Variants in GSK3B observed in about 807,000 individuals in gnomAD.
The protein encoded by GSK3B is glycogen synthase kinase 3 beta, also known as glycogen synthase kinase-3 beta.
Under a neutral mutation model 56.4 loss-of-function variants are expected in GSK3B, and 15 were observed. That is an observed-to-expected ratio of 0.27 (90% CI 0.18 to 0.41). GSK3B has a LOEUF of 0.41. GSK3B is among the 10% of genes least tolerant of loss of function. GSK3B has a pLI of 1.00. For missense variants in GSK3B, 300 were observed against 513.4 expected (o/e 0.58, Z 4.02); for synonymous variants, 181 against 188.9 (o/e 0.96, Z 0.34).
At chr3:119,842,876 T>G (rs993852304) in intron 10 of GSK3B, among the ~76,000 whole-genome samples, 1 of 152,360 alleles carries the variant, frequency 6.6e-6, no homozygotes, top group Middle Eastern at 3.4e-3. Flanking sequence ...ATGTTCATAC[T>G]CATCAAATGA....
At chr3:119,833,901 T>C (rs1205256187) in intron 10 of GSK3B, among the ~76,000 whole-genome samples, 1 of 152,018 alleles carries the variant, frequency 6.6e-6, no homozygotes, top group African/African-American at 2.4e-5. Flanking sequence ...TTTCGCCATG[T>C]TGGCCAGGCT....
chr3:119,974,764 T>C (rs6771023), intron 2 of GSK3B, among the ~76,000 whole-genome samples: 32,598 of 152,078 alleles, frequency 0.21, 3,770 homozygotes, highest in African/African-American at 0.3. Flanking sequence ...TGCAAATTAA[T>C]ACACTGGCAT....
At chr3:119,887,665 G>A (rs1288644432) in intron 7 of GSK3B, among the ~76,000 whole-genome samples, 1 of 152,062 alleles carries the variant, frequency 6.6e-6, no homozygotes, top group Non-Finnish European at 1.5e-5. Flanking sequence ...GGGGTGGGAA[G>A]TAGGGCAGAT....
chr3:120,006,233 A>T (rs2057726269), intron 1 of GSK3B, among the ~76,000 whole-genome samples: 1 of 152,224 alleles, frequency 6.6e-6, no homozygotes, highest in Admixed American at 6.5e-5. Context: ...AAATATATGC[A>T]CCCAATACAA....
intron 1 of GSK3B, among the ~76,000 whole-genome samples, chr3:120,032,022 A>T (rs1470447589): frequency 6.6e-6 from 1 of 152,220 alleles, no homozygotes; most frequent in African/African-American, 2.4e-5. Flanking sequence ...TGAACACCTG[A>T]AAGTGGCAAA....
At chr3:119,900,890 A>G (rs2056617936) in intron 7 of GSK3B, among the ~76,000 whole-genome samples, 1 of 152,142 alleles carries the variant, frequency 6.6e-6, no homozygotes, top group African/African-American at 2.4e-5. Context: ...AGTATTTTTC[A>G]TGATGTGCTA....
At chr3:120,026,883 T>C (rs1382380815) in intron 1 of GSK3B, among the ~76,000 whole-genome samples, 1 of 151,664 alleles carries the variant, frequency 6.6e-6, no homozygotes, top group Non-Finnish European at 1.5e-5. Context: ...ATATGAAATC[T>C]TGAAGTATAA....
At chr3:119,877,773 C>G (rs937342676) in intron 7 of GSK3B, among the ~76,000 whole-genome samples, 1 of 152,090 alleles carries the variant, frequency 6.6e-6, no homozygotes, top group Non-Finnish European at 1.5e-5. Context: ...ACTTCATTGT[C>G]TCTAGAGCTA....
chr3:119,936,935 C>T (rs2057001557), intron 3 of GSK3B, among the ~76,000 whole-genome samples: 1 of 151,990 alleles, frequency 6.6e-6, no homozygotes, highest in South Asian at 2.1e-4. Flanking sequence ...TAGCAGAGAA[C>T]ACATTATTTT....
intron 1 of GSK3B, among the ~76,000 whole-genome samples, chr3:120,016,542 A>G (rs542707723): frequency 6.6e-6 from 1 of 152,212 alleles, no homozygotes; most frequent in African/African-American, 2.4e-5. Context: ...TGTCATAAAT[A>G]TAAGAGATGG....
chr3:119,843,441 T>A, intron 9 of GSK3B, 88 bp from the exon 10 acceptor site: 1 of 685,716 alleles, frequency 1.5e-6, no homozygotes, highest in South Asian at 1.6e-5. Flanking sequence ...AATAAGATTC[T>A]GCATTAAACT....
At chr3:119,914,848 A>G (rs2056765783) in intron 5 of GSK3B, among the ~76,000 whole-genome samples, 1 of 152,124 alleles carries the variant, frequency 6.6e-6, no homozygotes, top group Admixed American at 6.6e-5. Flanking sequence ...GAATTGATGT[A>G]AAAGTATTAC....
chr3:119,858,774 T>C (rs1577319993), intron 9 of GSK3B, among the ~76,000 whole-genome samples: 1 of 152,070 alleles, frequency 6.6e-6, no homozygotes, highest in South Asian at 2.1e-4. Context: ...AAAGGGAGAG[T>C]ATGTGTGACT....
chr3:120,093,986 C>A lies in GSK3B; in HGVS notation c.-552G>T, dbSNP rs201364716. The A allele has an allele frequency of 4.6e-4, 97 of 212,884 alleles. 3 individuals carry two copies. Among genetic ancestry groups the A allele is most frequent in the Admixed American group, 3.0e-4 (5 of 16,900 alleles). The allele number at this position is 212,884 out of a possible 1,614,324, so 13.2% of individuals were successfully genotyped here. A position where few individuals can be genotyped will look rare whatever the true frequency, so the allele number is the denominator to read the frequency against. On this transcript the variant is annotated 5_prime_UTR_variant, in exon 1 of 11. Coordinates refer to ENST00000264235, the MANE Select transcript of GSK3B (RefSeq NM_001146156.2). ...CAAGCCGCGGGATCCGGCGGGCTGA[C>A]GGCAGGGGCCCGGCGAACTAGAGGG...
intron 2 of GSK3B, among the ~76,000 whole-genome samples, chr3:119,962,389 A>C (rs1028898110): frequency 1.3e-5 from 2 of 151,274 alleles, no homozygotes; most frequent in African/African-American, 4.9e-5. Context: ...AAAAAAAAAA[A>C]ACAAAAACAA....
chr3:119,904,942 T>C (rs763756186), intron 7 of GSK3B, among the ~76,000 whole-genome samples: 5 of 150,054 alleles, frequency 3.3e-5, no homozygotes, highest in Non-Finnish European at 7.4e-5. Context: ...TCTAGTGATA[T>C]AAATCTAGAC....
At chr3:120,037,457 T>C (rs538617618) in intron 1 of GSK3B, among the ~76,000 whole-genome samples, 5 of 152,326 alleles carry the variant, frequency 3.3e-5, no homozygotes, top group African/African-American at 1.2e-4. Flanking sequence ...AGAACTTGTA[T>C]TCTTATTGGA....
intron 1 of GSK3B, chr3:120,028,843 C>T (rs745390859): frequency 5.6e-5 from 24 of 431,350 alleles, no homozygotes; most frequent in African/African-American, 2.0e-4. Flanking sequence ...GCCCTAGCCC[C>T]GCCACGGCTG....
At chr3:120,062,402 T>C (rs536087647) in intron 1 of GSK3B, among the ~76,000 whole-genome samples, 7 of 152,274 alleles carry the variant, frequency 4.6e-5, no homozygotes, top group African/African-American at 7.2e-5. Flanking sequence ...CCCACTAATA[T>C]TTAAAGATAA....
Sources: allele counts gnomAD v4.1 joint callset (sites outside exome capture counted in the v4.1 genomes callset), GRCh38; gene constraint gnomAD v4.1.1; transcripts MANE v1.5; gene names NCBI Gene and HGNC (gene_info 2026-07-23, HGNC 2026-07-21).